The following GULP1 variants were observed in gnomAD, a reference collection of about 807,000 sequenced individuals.
The protein encoded by GULP1 is GULP PTB domain containing engulfment adaptor 1, also known as PTB domain-containing engulfment adapter protein 1.
GULP1 carries 19 observed loss-of-function variants against 40.9 expected under a neutral mutation model. The ratio of observed to expected loss-of-function variants is 0.46; its 90% CI spans 0.32 to 0.68. GULP1 has a LOEUF of 0.68. GULP1 is among the 30% of genes least tolerant of loss of function. GULP1 has a pLI of 0.03. For synonymous variants in GULP1, 119 were observed against 117.6 expected (o/e 1.01, Z -0.08); for missense variants, 312 against 362.2 (o/e 0.86, Z 1.12).
chr2:188,508,969 T>A (rs903527015), intron 4 of GULP1, among the ~76,000 whole-genome samples: 1 of 152,010 alleles, frequency 6.6e-6, no homozygotes, highest in African/African-American at 2.4e-5. Flanking sequence ...TTCAGTGGCA[T>A]TAAAATTCAT....
At chr2:188,369,012 G>C (rs2047242973) in intron 1 of GULP1, among the ~76,000 whole-genome samples, 1 of 140,208 alleles carries the variant, frequency 7.1e-6, no homozygotes, top group South Asian at 2.3e-4. Context: ...GCCCAGGCTG[G>C]AGTGCAGTGG....
intron 2 of GULP1, among the ~76,000 whole-genome samples, chr2:188,432,133 TAAG>T (rs2056937868): frequency 6.6e-6 from 1 of 151,660 alleles, no homozygotes; most frequent in Non-Finnish European, 1.5e-5. Flanking sequence ...ATTTTATAGA[TAAG>T]AACCATTTTA....
chr2:188,559,950 C>G (rs1425213082), intron 7 of GULP1, among the ~76,000 whole-genome samples: 1 of 152,106 alleles, frequency 6.6e-6, no homozygotes. Flanking sequence ...TGGTCACTGC[C>G]ACGTAAGAAG....
chr2:188,299,169 GTGACTAAGGAGGGAGCAGGTGACTAAGGA>G (rs2035647644), intron 1 of GULP1, among the ~76,000 whole-genome samples: 2 of 136,186 alleles, frequency 1.5e-5, no homozygotes. Flanking sequence ...GACAGAGCAG[GTGACTAAGGAGGGAGCAGGTGACTAAGGA>G]TGACTAAGGA....
chr2:188,389,638 G>T (rs1004373087), intron 2 of GULP1, among the ~76,000 whole-genome samples: 3 of 152,102 alleles, frequency 2.0e-5, no homozygotes, highest in Admixed American at 6.6e-5. Flanking sequence ...AGTAGGTCTT[G>T]GGGTATCAGC....
intron 2 of GULP1, among the ~76,000 whole-genome samples, chr2:188,462,447 G>A (rs565358753): frequency 6.6e-6 from 1 of 152,210 alleles, no homozygotes; most frequent in Non-Finnish European, 1.5e-5. Context: ...CCATTTGGCC[G>A]AGAGTGCAGA....
chr2:188,515,651 G>T (rs1472118530), intron 4 of GULP1, among the ~76,000 whole-genome samples: 1 of 151,732 alleles, frequency 6.6e-6, no homozygotes, highest in East Asian at 1.9e-4. Context: ...TAATATGTGT[G>T]TCTGTGATCT....
chr2:188,569,776 C>T (rs1698630465), intron 8 of GULP1: 2 of 368,832 alleles, frequency 5.4e-6, no homozygotes, highest in Admixed American at 9.4e-5. Context: ...ATTGCACAGT[C>T]CAACAAGAAA....
At chr2:188,424,418 A>G (rs1463614216) in intron 2 of GULP1, among the ~76,000 whole-genome samples, 1 of 151,916 alleles carries the variant, frequency 6.6e-6, no homozygotes, top group Non-Finnish European at 1.5e-5. Context: ...ATGCATGATC[A>G]TTCTGTTCAT....
chr2:188,342,125 A>G (rs4667222), intron 1 of GULP1, among the ~76,000 whole-genome samples: 67,390 of 152,116 alleles, frequency 0.44, 15,363 homozygotes, highest in East Asian at 0.55. Context: ...AGTAATGGCT[A>G]GAAGTGCTAT....
At chr2:188,361,692 C>T (rs2046111257) in intron 1 of GULP1, among the ~76,000 whole-genome samples, 1 of 151,946 alleles carries the variant, frequency 6.6e-6, no homozygotes, top group South Asian at 2.1e-4. Flanking sequence ...GAGAAGAAAA[C>T]TTTGTTGGCG....
chr2:188,469,136 TTTGA>T lies in GULP1; in HGVS notation c.-44-8520_-44-8517del, dbSNP rs568721944. The stretch of plus-strand genomic sequence containing the variant: ...GGGAAGGCGTAAAGCTTAACTAAAG[TTTGA>T]TTAAGTCGATGTAGCAAATATTTTG... On this transcript the variant is annotated intron_variant, in intron 2 of 11. Transcript: ENST00000409830. Among the ~76,000 whole-genome samples, 311 of 152,246 alleles carry T rather than the reference TTTGA, an allele frequency of 2.0e-3. 2 individuals are homozygous for T. The highest frequency in any genetic ancestry group is 3.9e-3 in the Admixed American group (60 of 15,290).
chr2:188,365,709 G>A (rs953548372), intron 1 of GULP1, among the ~76,000 whole-genome samples: 24 of 152,192 alleles, frequency 1.6e-4, no homozygotes, highest in African/African-American at 5.8e-4. Context: ...GGCCTGAGAA[G>A]TAAGCGGACT....
At chr2:188,349,179 C>A (rs2044111070) in intron 1 of GULP1, among the ~76,000 whole-genome samples, 1 of 152,142 alleles carries the variant, frequency 6.6e-6, no homozygotes, top group Non-Finnish European at 1.5e-5. Flanking sequence ...GTTGTTTCCA[C>A]AGTTTGTCTA....
At chr2:188,412,831 G>A (rs1461589043) in intron 2 of GULP1, among the ~76,000 whole-genome samples, 3 of 152,138 alleles carry the variant, frequency 2.0e-5, no homozygotes, top group African/African-American at 7.2e-5. Flanking sequence ...ATTATTTAAT[G>A]TATGACTTAA....
At chr2:188,383,237 G>C (rs773713038) in intron 1 of GULP1, among the ~76,000 whole-genome samples, 2 of 152,190 alleles carry the variant, frequency 1.3e-5, no homozygotes, top group African/African-American at 2.4e-5. Flanking sequence ...AAATAGAAAA[G>C]TCTTAACCAA....
intron 1 of GULP1, among the ~76,000 whole-genome samples, chr2:188,337,740 T>C (rs2042459857): frequency 6.6e-6 from 1 of 152,206 alleles, no homozygotes; most frequent in East Asian, 1.9e-4. Flanking sequence ...AGTCTATTCC[T>C]GACTGCACAG....
chr2:188,399,250 C>T (rs958339790), intron 2 of GULP1, among the ~76,000 whole-genome samples: 3 of 152,142 alleles, frequency 2.0e-5, no homozygotes, highest in African/African-American at 4.8e-5. Context: ...CTGTTCTAGG[C>T]ATCTAGAGAT....
At chr2:188,546,978 AT>A (rs1218131772) in intron 7 of GULP1, among the ~76,000 whole-genome samples, 6 of 152,052 alleles carry the variant, frequency 3.9e-5, no homozygotes, top group Non-Finnish European at 8.8e-5. Context: ...TAGGAACAAT[AT>A]TACCACAAAT....
Sources: gnomAD v4.1 joint callset for allele counts (sites outside exome capture counted in the v4.1 genomes callset) on GRCh38, gnomAD v4.1.1 for gene constraint, MANE v1.5 for transcripts, NCBI Gene and HGNC (gene_info 2026-07-23, HGNC 2026-07-21) for gene names.